Variants in MMS22L observed in about 807,000 individuals in gnomAD.
MMS22L encodes MMS22 like, DNA repair protein, also known as protein MMS22-like.
Under a neutral mutation model 159.1 loss-of-function variants are expected in MMS22L, and 74 were observed. The observed-to-expected ratio is 0.47, with a 90% CI of 0.39 to 0.56. The LOEUF is 0.56. Among genes scored for constraint, MMS22L ranks in the 20% least tolerant of loss-of-function variants. MMS22L has a pLI of 0.00. For synonymous variants in MMS22L, 517 were observed against 506.9 expected, an observed-to-expected ratio of 1.02 and a Z score of -0.27; for missense variants, 1,351 against 1,422.1, an observed-to-expected ratio of 0.95 and a Z score of 0.80.
intron 14 of MMS22L, among the ~76,000 whole-genome samples, chr6:97,201,723 G>A (rs532656986): frequency 6.6e-6 from 1 of 152,302 alleles, no homozygotes; most frequent in South Asian, 2.1e-4. Context: ...GCACCATTCA[G>A]ATGATTGAGC....
intron 14 of MMS22L, 135 bp from the exon 15 acceptor site, chr6:97,186,825 T>C (rs944898076): frequency 1.6e-5 from 9 of 559,716 alleles, no homozygotes; most frequent in Non-Finnish European, 2.3e-5. Context: ...TGCCAAGACA[T>C]TATGCATTTC....
At chr6:97,161,968 G>T (rs1288087870) in intron 22 of MMS22L, 34 bp downstream of exon 22, 1 of 1,591,204 alleles carries the variant, frequency 6.3e-7, no homozygotes, top group African/African-American at 1.4e-5. Context: ...CTTGTAAAAA[G>T]AAAATGGTAA....
chr6:97,162,168 GA>G lies in MMS22L; in HGVS notation c.3222-4del. Reference sequence around the variant, plus strand: ...CCTTATACTCAAGGTAGGATTTCCTGAAAAGAAGCAAAATTTGTTTATTCTC... The same window carrying G: ...CCTTATACTCAAGGTAGGATTTCCTGAAAGAAGCAAAATTTGTTTATTCTC... On this transcript the variant is annotated splice_region_variant and splice_polypyrimidine_tract_variant and intron_variant, in intron 21 of 24. Coordinates refer to ENST00000683635, the MANE Select transcript of MMS22L (RefSeq NM_001350599.2). 6.3e-7 allele frequency: 1 copy of G among 1,585,072 alleles called. No individual in the cohort carries two copies. Among genetic ancestry groups the G allele is most frequent in the Non-Finnish European group, 8.5e-7 (1 of 1,171,382 alleles).
chr6:97,279,583 A>G (rs1816565032), intron 3 of MMS22L, among the ~76,000 whole-genome samples: 1 of 151,902 alleles, frequency 6.6e-6, no homozygotes, highest in Non-Finnish European at 1.5e-5. Flanking sequence ...TCAGGAATTC[A>G]AGACCAGCCT....
chr6:97,192,167 C>T (rs1805941688), intron 14 of MMS22L, among the ~76,000 whole-genome samples: 1 of 148,378 alleles, frequency 6.7e-6, no homozygotes. Flanking sequence ...AGGTGGTAGA[C>T]GGATGGATGG....
At position 97,165,388 on chromosome 6, in the gene MMS22L, T is replaced by C. The variant is rs1180141872; in HGVS notation, c.3079A>G (p.Ile1027Val). The C allele has an allele frequency of 6.2e-7, 1 of 1,613,264 alleles. No homozygotes were observed. The highest frequency in any genetic ancestry group is 1.7e-5 in the Admixed American group (1 of 59,860). ...AGAAATCGCCCAATATACTGCTCAATAACATTCCCTAGCAATTGATTCAAA... is the reference window on the plus strand; with the variant it reads ...AGAAATCGCCCAATATACTGCTCAACAACATTCCCTAGCAATTGATTCAAA... Reference protein sequence around the residue: ...AYLNQLLGNVIEQYIGRFLPA... With the variant: ...AYLNQLLGNVVEQYIGRFLPA... Residue 1027 changes from isoleucine (I) to valine (V), a missense_variant, in exon 21 of 25, where the codon ATT (isoleucine) becomes GTT (valine). Physicochemically the swap from Ile to Val is conservative, Grantham distance 29. Coordinates refer to ENST00000683635, the MANE Select transcript of MMS22L (RefSeq NM_001350599.2).
At chr6:97,193,556 C>T (rs1027988184) in intron 14 of MMS22L, among the ~76,000 whole-genome samples, 4 of 152,086 alleles carry the variant, frequency 2.6e-5, no homozygotes, top group Non-Finnish European at 5.9e-5. Context: ...AACAAGGATC[C>T]ACTTCCTTGT....
At position 97,231,492 on chromosome 6, in the gene MMS22L, A is replaced by C; in HGVS notation, c.1463T>G (p.Leu488Arg). 1 of 1,613,816 alleles carries C rather than the reference A, an allele frequency of 6.2e-7. No homozygotes were observed. Among genetic ancestry groups the C allele is most frequent in the Non-Finnish European group, 8.5e-7 (1 of 1,179,848 alleles). ...SSSYTIFLCI[L>R]AKVVKKAMKS... The stretch of plus-strand genomic sequence containing the variant: ...CATTGCTTTTTTAACAACTTTTGCC[A>C]GAATACAAAGAAAAATAGTATAACT... Residue 488 changes from leucine (L) to arginine (R), a missense_variant, in exon 13 of 25, where the codon CTG becomes CGG. Coordinates refer to ENST00000683635, the MANE Select transcript of MMS22L (RefSeq NM_001350599.2).
Position 97,155,249 on chromosome 6 carries a change from C to G in MMS22L, c.3386-3382G>C, listed in dbSNP as rs973403361. Among the ~76,000 whole-genome samples the G allele has an allele frequency of 1.3e-5, 2 of 152,028 alleles. 1 individual carries two copies. On this transcript the variant is annotated intron_variant, in intron 22 of 24. Coordinates refer to ENST00000683635, the MANE Select transcript of MMS22L (RefSeq NM_001350599.2). ...TTTTCTTAATGACTCGTGTTTGTTT[C>G]TTTAATCTCCTTTACTGTTTTCTTA...
chr6:97,270,837 G>C (rs1266243679), intron 6 of MMS22L: 16 of 151,944 alleles, frequency 1.1e-4, no homozygotes, highest in Admixed American at 9.8e-4. Context: ...TTTTAACTTT[G>C]CAAGAAACTA....
chr6:97,211,029 T>C (rs1184244058), intron 14 of MMS22L, among the ~76,000 whole-genome samples: 1 of 152,016 alleles, frequency 6.6e-6, no homozygotes, highest in Non-Finnish European at 1.5e-5. Context: ...TCTACTATAC[T>C]ATAAGCTCTA....
intron 14 of MMS22L, among the ~76,000 whole-genome samples, chr6:97,203,079 T>C (rs1807353631): frequency 6.6e-6 from 1 of 152,214 alleles, no homozygotes. Context: ...TACAAAGCTT[T>C]TTGTTATTGC....
chr6:97,276,518 ACTCT>A (rs974815373), intron 4 of MMS22L, among the ~76,000 whole-genome samples: 2 of 152,064 alleles, frequency 1.3e-5, no homozygotes, highest in Middle Eastern at 3.2e-3. Flanking sequence ...TAAAAATCAT[ACTCT>A]CTGTCATGGT....
chr6:97,166,847 G>A lies in MMS22L; in HGVS notation c.3009+1224C>T, dbSNP rs756666901. Among the ~76,000 whole-genome samples the A allele has an allele frequency of 1.9e-4, 29 of 152,172 alleles. 1 individual carries two copies. The highest frequency in any genetic ancestry group is 1.4e-3 in the Admixed American group (21 of 15,262). On this transcript the variant is annotated intron_variant, in intron 20 of 24. Transcript: ENST00000683635. The stretch of plus-strand genomic sequence containing the variant: ...TCATCTCTCCCTCTGTGGGATTGGC[G>A]GTTCAGGCTGTGGTGTGGCTGCCTC...
At chr6:97,261,683 A>G (rs527970309) in intron 9 of MMS22L, 1 of 152,126 alleles carries the variant, frequency 6.6e-6, no homozygotes, top group Non-Finnish European at 1.5e-5. Flanking sequence ...TAACTCCCAC[A>G]TTGTTCAAGA....
At chr6:97,160,964 C>T (rs1802378010) in intron 22 of MMS22L, among the ~76,000 whole-genome samples, 1 of 152,128 alleles carries the variant, frequency 6.6e-6, no homozygotes, top group Non-Finnish European at 1.5e-5. Flanking sequence ...TGCCACCATA[C>T]TTTCGTTTTC....
At position 97,219,830 on chromosome 6, in the gene MMS22L, C is replaced by T. The variant is rs1012529237; in HGVS notation, c.2039+9064G>A. Among the ~76,000 whole-genome samples the T allele has an allele frequency of 2.0e-5, 3 of 152,272 alleles. No homozygotes were observed. In the East Asian group the frequency reaches 5.8e-4, roughly 29 times the overall value. ...ATAAGTCTCCTGCCTGGAATACTGGCTCCTCCCATATATGATGCTCTTTAA... is the reference window on the plus strand; with the variant it reads ...ATAAGTCTCCTGCCTGGAATACTGGTTCCTCCCATATATGATGCTCTTTAA... On this transcript the variant is annotated intron_variant, in intron 14 of 24. Transcript: ENST00000683635.
chr6:97,167,578 G>A (rs1186617845), intron 20 of MMS22L, among the ~76,000 whole-genome samples: 2 of 152,132 alleles, frequency 1.3e-5, no homozygotes, highest in South Asian at 2.1e-4. Context: ...AAAAGATTAA[G>A]TCCAAACTTC....
intron 19 of MMS22L, among the ~76,000 whole-genome samples, chr6:97,170,296 G>A (rs1418386178): frequency 6.6e-6 from 1 of 151,996 alleles, no homozygotes; most frequent in Non-Finnish European, 1.5e-5. Flanking sequence ...CATATAAGGT[G>A]GAGATATTTG....
Sources: allele counts gnomAD v4.1 joint callset (sites outside exome capture counted in the v4.1 genomes callset), GRCh38; gene constraint gnomAD v4.1.1; transcripts MANE v1.5; gene names NCBI Gene and HGNC (gene_info 2026-07-23, HGNC 2026-07-21).